ACYP2: variants seen among roughly 807,000 people sequenced by gnomAD.
The protein encoded by ACYP2 is acylphosphatase-2.
Under a neutral mutation model 11.2 loss-of-function variants are expected in ACYP2, and 12 were observed. That is an observed-to-expected ratio of 1.08 (90% CI 0.69 to 1.74). The LOEUF (loss-of-function observed/expected upper bound fraction) is 1.74. ACYP2 is among the 40% of genes most tolerant of loss of function. The pLI, the probability that ACYP2 is intolerant of heterozygous loss-of-function variation, is 0.00. For missense variants in ACYP2, 134 were observed against 101.9 expected (o/e 1.31, Z -1.35); for synonymous variants, 43 against 32.2 (o/e 1.33, Z -1.13).
rs56817782 is a variant in ACYP2, at chr2:54,038,673, CTATA to C, written c.63-12248_63-12245del. Among the ~76,000 whole-genome samples, 1,045 of 105,820 alleles carry C rather than the reference CTATA, an allele frequency of 9.9e-3. 14 individuals carry two copies. The highest frequency in any genetic ancestry group is 0.029 in the East Asian group (105 of 3,626). The allele number at this position is 105,820 out of a possible 152,430, so 69.4% of individuals were successfully genotyped here. On this transcript the variant is annotated intron_variant, in intron 2 of 6. Coordinates refer to ENST00000607452, the MANE Select transcript of ACYP2 (RefSeq NM_001320586.2). ...TCATTCAATAAATCTTTATTGAATA[CTATA>C]TATATATATATATATATATATATAT...
chr2:54,076,469 C>A (rs1432118357), intron 4 of ACYP2, among the ~76,000 whole-genome samples: 1 of 152,150 alleles, frequency 6.6e-6, no homozygotes, highest in Non-Finnish European at 1.5e-5. Flanking sequence ...GGACTGGCAG[C>A]TAGGCTTCCA....
intron 6 of ACYP2, among the ~76,000 whole-genome samples, chr2:54,302,732 C>T (rs1689775290): frequency 6.6e-6 from 1 of 152,108 alleles, no homozygotes; most frequent in Non-Finnish European, 1.5e-5. Flanking sequence ...AAAATCTGCT[C>T]CTCTCACAGT....
chr2:53,975,339 T>C (rs1671418527), intron 2 of ACYP2: 1 of 398,496 alleles, frequency 2.5e-6, no homozygotes, highest in Non-Finnish European at 4.4e-6. Context: ...ATAAGGTCTC[T>C]TCCTCTTATT....
At chr2:54,235,379 C>T (rs1267474717) in intron 6 of ACYP2, among the ~76,000 whole-genome samples, 1 of 152,016 alleles carries the variant, frequency 6.6e-6, no homozygotes, top group Non-Finnish European at 1.5e-5. Flanking sequence ...GATGGAGTCT[C>T]GCTCTGTCAC....
chr2:54,185,869 T>C (rs1003404226), intron 6 of ACYP2, among the ~76,000 whole-genome samples: 3 of 152,086 alleles, frequency 2.0e-5, no homozygotes, highest in African/African-American at 4.8e-5. Flanking sequence ...AGGTGTAGGA[T>C]CGTCTTGAAG....
At chr2:54,231,033 G>C (rs1219307314) in intron 6 of ACYP2, among the ~76,000 whole-genome samples, 1 of 151,892 alleles carries the variant, frequency 6.6e-6, no homozygotes, top group Non-Finnish European at 1.5e-5. Flanking sequence ...GTTTCACCAT[G>C]TTGACCAGGC....
In ACYP2 at chr2:54,304,847, T is replaced by C; in HGVS notation, c.*45T>C. 1 of 1,139,448 alleles carries C rather than the reference T, an allele frequency of 8.8e-7. No individual in the cohort carries two copies. The highest frequency in any genetic ancestry group is 1.3e-6 in the Non-Finnish European group (1 of 773,018). The allele number at this position is 1,139,448 out of a possible 1,614,324, so 70.6% of individuals were successfully genotyped here. A position where few individuals can be genotyped will look rare whatever the true frequency, so the allele number is the denominator to read the frequency against. On this transcript the variant is annotated 3_prime_UTR_variant, in exon 7 of 7. Coordinates refer to ENST00000607452, the MANE Select transcript of ACYP2 (RefSeq NM_001320586.2). ...CACACTGAACAATAGATACTGTATG[T>C]TCTTAAGACTATGTATACTAGAATA...
chr2:54,021,081 G>C (rs1240514942), intron 2 of ACYP2, among the ~76,000 whole-genome samples: 3 of 152,198 alleles, frequency 2.0e-5, no homozygotes, highest in African/African-American at 4.8e-5. Flanking sequence ...CCCTACTGCT[G>C]TGTTGTTCCT....
chr2:54,120,966 C>T (rs527987719), intron 4 of ACYP2, among the ~76,000 whole-genome samples: 4 of 152,172 alleles, frequency 2.6e-5, no homozygotes, highest in Non-Finnish European at 5.9e-5. Context: ...GAGCGTGTCA[C>T]AACTCATTGG....
chr2:54,297,313 C>A (rs907486397), intron 6 of ACYP2, among the ~76,000 whole-genome samples: 2 of 148,114 alleles, frequency 1.4e-5, no homozygotes, highest in Non-Finnish European at 2.9e-5. Flanking sequence ...GGGCAACATA[C>A]TGAGACTCCA....
chr2:54,279,085 A>G (rs1256663040), intron 6 of ACYP2, among the ~76,000 whole-genome samples: 1 of 152,258 alleles, frequency 6.6e-6, no homozygotes, highest in African/African-American at 2.4e-5. Context: ...CTGGTCAACC[A>G]CAACAAAAGT....
chr2:54,213,871 G>A (rs899203510), intron 6 of ACYP2, among the ~76,000 whole-genome samples: 6 of 151,918 alleles, frequency 3.9e-5, no homozygotes, highest in South Asian at 2.1e-4. Flanking sequence ...GGGCCCAAGC[G>A]ATCCTCCTGC....
chr2:54,191,916 A>G (rs1192184822), intron 6 of ACYP2, among the ~76,000 whole-genome samples: 1 of 152,240 alleles, frequency 6.6e-6, no homozygotes, highest in African/African-American at 2.4e-5. Context: ...ACCCACAGGA[A>G]TGTGGGCTCC....
chr2:54,208,523 C>A (rs894421090), intron 6 of ACYP2, among the ~76,000 whole-genome samples: 3 of 151,886 alleles, frequency 2.0e-5, no homozygotes, highest in African/African-American at 7.3e-5. Context: ...CATGTGACTC[C>A]CAGGGTTGGG....
At chr2:54,056,944 T>C (rs1194825238) in intron 3 of ACYP2, among the ~76,000 whole-genome samples, 1 of 152,240 alleles carries the variant, frequency 6.6e-6, no homozygotes, top group Non-Finnish European at 1.5e-5. Flanking sequence ...ATGTTTAATA[T>C]ATCTAACTGA....
At chr2:53,975,097 C>G (rs1040942146) in intron 2 of ACYP2, 5 of 381,812 alleles carry the variant, frequency 1.3e-5, no homozygotes, top group Non-Finnish European at 2.3e-5. Context: ...TGGTGGCGTG[C>G]GCCTGTAGTC....
intron 4 of ACYP2, chr2:54,115,344 T>C: frequency 2.0e-6 from 1 of 505,354 alleles, no homozygotes; most frequent in Non-Finnish European, 3.4e-6. Flanking sequence ...AGCCACTCTT[T>C]TTTTGGGCAC....
At chr2:54,018,032 C>G (rs1673792839) in intron 2 of ACYP2, among the ~76,000 whole-genome samples, 1 of 152,120 alleles carries the variant, frequency 6.6e-6, no homozygotes. Flanking sequence ...TCTTCACTCT[C>G]CCCTCCATTA....
chr2:54,253,406 G>T, intron 6 of ACYP2: 1 of 152,134 alleles, frequency 6.6e-6, no homozygotes, highest in African/African-American at 2.4e-5. Context: ...CTGTACAGCT[G>T]AATCTTCCCA....
Sources: allele counts gnomAD v4.1 joint callset (sites outside exome capture counted in the v4.1 genomes callset), GRCh38; gene constraint gnomAD v4.1.1; transcripts MANE v1.5; gene names NCBI Gene and HGNC (gene_info 2026-07-23, HGNC 2026-07-21).